The following SEMA5A variants were observed in gnomAD, a reference collection of about 807,000 sequenced individuals.
SEMA5A encodes the protein semaphorin-5A.
SEMA5A carries 55 observed loss-of-function variants against 135.5 expected under a neutral mutation model. The observed-to-expected ratio is 0.41, with a 90% confidence interval of 0.33 to 0.51. The LOEUF is 0.51. Ranked by LOEUF, SEMA5A falls within the 20% of genes least tolerant of loss-of-function variation. The pLI is 0.37. For synonymous variants in SEMA5A, 580 were observed against 546.5 expected (o/e 1.06, Z -0.85); for missense variants, 1,290 against 1,419.9 (o/e 0.91, Z 1.47).
intron 1 of SEMA5A, among the ~76,000 whole-genome samples, chr5:9,447,707 G>A (rs369969905): frequency 6.6e-6 from 1 of 152,300 alleles, no homozygotes; most frequent in African/African-American, 2.4e-5. Context: ...GATTAAAAAT[G>A]AGAAATAAGC....
intron 16 of SEMA5A, among the ~76,000 whole-genome samples, chr5:9,068,965 CAG>C (rs959581634): frequency 4.8e-4 from 73 of 152,174 alleles, no homozygotes; most frequent in African/African-American, 1.7e-3. Flanking sequence ...CCTCTCTCAG[CAG>C]AGTCATGAAG....
chr5:9,108,385 G>C, intron 15 of SEMA5A, 98 bp from the exon 16 acceptor site: 1 of 1,401,810 alleles, frequency 7.1e-7, no homozygotes, highest in Non-Finnish European at 9.9e-7. Context: ...TTGAACACAT[G>C]GGCATGCTCT....
chr5:9,477,958 G>A (rs1026500141), intron 1 of SEMA5A, among the ~76,000 whole-genome samples: 1 of 152,194 alleles, frequency 6.6e-6, no homozygotes, highest in African/African-American at 2.4e-5. Context: ...AGGCCTGGAG[G>A]CCCATGAGGG....
intron 3 of SEMA5A, among the ~76,000 whole-genome samples, chr5:9,339,570 A>AATAT (rs1753553930): frequency 6.6e-6 from 1 of 152,262 alleles, no homozygotes; most frequent in Non-Finnish European, 1.5e-5. Flanking sequence ...AGAACAAGTA[A>AATAT]GTGAGTTCAA....
At chr5:9,224,976 C>T (rs17254539) in intron 7 of SEMA5A, 89 bp from the exon 8 acceptor site, 351,382 of 1,251,438 alleles carry the variant, frequency 0.28, 50,899 homozygotes, top group Middle Eastern at 0.32. Context: ...ATCACAGTGA[C>T]GCTTGTGCAA....
At chr5:9,207,910 T>C (rs1477264723) in intron 8 of SEMA5A, among the ~76,000 whole-genome samples, 1 of 96,502 alleles carries the variant, frequency 1.0e-5, no homozygotes, top group Non-Finnish European at 2.2e-5. Flanking sequence ...CATAGATAGA[T>C]AGATAATAGA....
intron 5 of SEMA5A, chr5:9,265,524 C>A: frequency 2.2e-6 from 1 of 456,380 alleles, no homozygotes; most frequent in Non-Finnish European, 4.4e-6. Context: ...GTGGTGTGTG[C>A]GGTCCTCCTG....
chr5:9,280,135 T>A (rs1579778139), intron 5 of SEMA5A, among the ~76,000 whole-genome samples: 1 of 152,178 alleles, frequency 6.6e-6, no homozygotes. Flanking sequence ...AAAATACCGA[T>A]GTCAAAAGCA....
rs558487005 is a variant in SEMA5A at position 9,143,213 on chromosome 5, C to T, written c.1482-6592G>A. 3.9e-5 allele frequency among the ~76,000 whole-genome samples: 6 copies of T among 152,106 alleles called. No homozygotes were observed. The South Asian group carries it at 8.3e-4, about 21-fold the overall frequency. On this transcript the variant is annotated intron_variant, in intron 12 of 22. Transcript: ENST00000382496. The stretch of plus-strand genomic sequence containing the variant: ...GATGCATACAGTTGTTATAATTAGT[C>T]CCTAAGCACAATTTCAAGTTATTAT...
intron 9 of SEMA5A, among the ~76,000 whole-genome samples, chr5:9,197,728 TTGTGTGTG>T (rs70943946): frequency 0.02 from 1,170 of 59,264 alleles, 35 homozygotes; most frequent in Non-Finnish European, 0.023. Context: ...GGAAAGCTGT[TTGTGTGTG>T]TGTGTGTGTG....
intron 2 of SEMA5A, among the ~76,000 whole-genome samples, chr5:9,384,013 G>T (rs1245369688): frequency 2.0e-5 from 3 of 152,172 alleles, no homozygotes; most frequent in Admixed American, 1.3e-4. Flanking sequence ...TGTTAGGAAA[G>T]AACATTTAAT....
At chr5:9,401,931 C>T (rs902329890) in intron 2 of SEMA5A, among the ~76,000 whole-genome samples, 1 of 152,152 alleles carries the variant, frequency 6.6e-6, no homozygotes, top group Non-Finnish European at 1.5e-5. Flanking sequence ...TTGTACCAGT[C>T]GAATAAGGCC....
intron 1 of SEMA5A, among the ~76,000 whole-genome samples, chr5:9,479,764 G>A (rs556478916): frequency 4.6e-5 from 7 of 152,216 alleles, no homozygotes; most frequent in African/African-American, 1.2e-4. Context: ...CAACCTGTTC[G>A]CTGGAGAGGC....
At chr5:9,292,932 T>A (rs1443452451) in intron 5 of SEMA5A, among the ~76,000 whole-genome samples, 1 of 152,170 alleles carries the variant, frequency 6.6e-6, no homozygotes, top group East Asian at 1.9e-4. Context: ...AGAACCCCCA[T>A]GACCAAGAAT....
chr5:9,245,535 AT>A (rs1341022361), intron 5 of SEMA5A, among the ~76,000 whole-genome samples: 1 of 152,202 alleles, frequency 6.6e-6, no homozygotes, highest in African/African-American at 2.4e-5. Flanking sequence ...AAAAACACAA[AT>A]TTATAAAAAT....
At chr5:9,180,507 A>T (rs1744444949) in intron 11 of SEMA5A, among the ~76,000 whole-genome samples, 2 of 150,828 alleles carry the variant, frequency 1.3e-5, no homozygotes, top group East Asian at 3.9e-4. Context: ...AGTGAATGTA[A>T]AAAAAAAAAT....
intron 1 of SEMA5A, among the ~76,000 whole-genome samples, chr5:9,541,292 A>G (rs140686882): frequency 1.3e-5 from 2 of 152,318 alleles, no homozygotes; most frequent in Non-Finnish European, 2.9e-5. Context: ...AGTGTAATTT[A>G]CTCTCAATTG....
chr5:9,122,691 G>A lies in SEMA5A; in HGVS notation c.1746C>T (p.Cys582=), dbSNP rs376581828. Residue 582 remains cysteine (C), a synonymous_variant, in exon 14 of 23, where the codon TGC becomes TGT. Coordinates refer to ENST00000382496, the MANE Select transcript of SEMA5A (RefSeq NM_003966.3). Reference sequence around the variant, plus strand: ...TGGCGATCTCCATGCCAGGGCCCTCGCACTGCCAGCCACCACACTGCGGGG... The same window carrying A: ...TGGCGATCTCCATGCCAGGGCCCTCACACTGCCAGCCACCACACTGCGGGG... ...SPAPQCGGWQ[C]EGPGMEIANC... The A allele has an allele frequency of 2.9e-5, 46 of 1,609,540 alleles. No homozygotes were observed. Among genetic ancestry groups the A allele is most frequent in the African/African-American group, 4.0e-5 (3 of 74,822 alleles).
chr5:9,350,363 C>T (rs1029184084), intron 3 of SEMA5A, among the ~76,000 whole-genome samples: 25 of 152,298 alleles, frequency 1.6e-4, no homozygotes, highest in African/African-American at 5.1e-4. Context: ...AGCAGGTCTG[C>T]GGTATTCAAG....
Sources: allele counts gnomAD v4.1 joint callset (sites outside exome capture counted in the v4.1 genomes callset), GRCh38; gene constraint gnomAD v4.1.1; transcripts MANE v1.5; gene names NCBI Gene and HGNC (gene_info 2026-07-23, HGNC 2026-07-21).